TRHDE: variants seen among roughly 807,000 people sequenced by gnomAD.
TRHDE encodes the protein thyrotropin releasing hormone degrading enzyme.
TRHDE carries 72 observed loss-of-function variants against 125.7 expected under a neutral mutation model. The observed-to-expected ratio is 0.57, with a 90% CI of 0.47 to 0.70. The LOEUF (loss-of-function observed/expected upper bound fraction) is 0.70, where lower values mean the gene tolerates loss of function less well. TRHDE is among the 30% of genes least tolerant of loss of function. The pLI is 0.00. For missense variants in TRHDE, 1,110 were observed against 1,327.1 expected (o/e 0.84, Z 2.54); for synonymous variants, 509 against 509.1 (o/e 1.00, Z 0.00).
chr12:72,455,733 G>A (rs974826296), intron 3 of TRHDE, among the ~76,000 whole-genome samples: 5 of 151,950 alleles, frequency 3.3e-5, no homozygotes, highest in Non-Finnish European at 5.9e-5. Context: ...AAAGTTAGAG[G>A]TATTGTATTT....
At chr12:72,298,173 C>G (rs1219418326) in intron 2 of TRHDE, among the ~76,000 whole-genome samples, 1 of 152,142 alleles carries the variant, frequency 6.6e-6, no homozygotes, top group Admixed American at 6.5e-5. Context: ...ACAAACAAAT[C>G]TAAAAAACAG....
At chr12:72,150,977 G>T (rs575957117) in intron 2 of TRHDE, among the ~76,000 whole-genome samples, 2 of 152,076 alleles carry the variant, frequency 1.3e-5, no homozygotes, top group African/African-American at 2.4e-5. Flanking sequence ...TCGCCACACC[G>T]ACTTCCACAA....
intron 2 of TRHDE, among the ~76,000 whole-genome samples, chr12:72,221,289 T>TC (rs1455586266): frequency 5.3e-5 from 8 of 151,988 alleles, no homozygotes; most frequent in Admixed American, 6.6e-5. Flanking sequence ...TATGAAGAAA[T>TC]CCTCAGGAGC....
chr12:72,478,503 A>G (rs1048761735), intron 5 of TRHDE, among the ~76,000 whole-genome samples: 4 of 133,132 alleles, frequency 3.0e-5, no homozygotes, highest in African/African-American at 1.4e-4. Context: ...CTTACTGAAA[A>G]TATAAACGTC....
chr12:72,316,327 C>T (rs1868799795), intron 2 of TRHDE, among the ~76,000 whole-genome samples: 2 of 152,086 alleles, frequency 1.3e-5, no homozygotes. Flanking sequence ...GAGCGCATTG[C>T]CTGTAAACAG....
chr12:72,437,086 C>G (rs1018892580), intron 3 of TRHDE, among the ~76,000 whole-genome samples: 6 of 151,876 alleles, frequency 4.0e-5, no homozygotes, highest in African/African-American at 9.7e-5. Flanking sequence ...GCTTACACTA[C>G]TTACTAGCTA....
intron 2 of TRHDE, among the ~76,000 whole-genome samples, chr12:72,151,427 C>T (rs1285848366): frequency 7.3e-5 from 11 of 150,284 alleles, no homozygotes; most frequent in South Asian, 2.1e-4. Context: ...ATTTTGGCTT[C>T]TGTTGCCATT....
At chr12:72,351,221 G>A (rs1592562327) in intron 2 of TRHDE, among the ~76,000 whole-genome samples, 1 of 152,088 alleles carries the variant, frequency 6.6e-6, no homozygotes, top group South Asian at 2.1e-4. Context: ...AACAAATGAG[G>A]TTAACAGCAA....
At chr12:72,374,343 G>A (rs918848357) in intron 2 of TRHDE, among the ~76,000 whole-genome samples, 1 of 148,524 alleles carries the variant, frequency 6.7e-6, no homozygotes, top group African/African-American at 2.5e-5. Flanking sequence ...GATATCAGGA[G>A]TTTGGTTTTA....
chr12:72,116,391 G>A (rs1875444227), intron 2 of TRHDE, among the ~76,000 whole-genome samples: 1 of 152,072 alleles, frequency 6.6e-6, no homozygotes, highest in Non-Finnish European at 1.5e-5. Context: ...TGGGATTGCT[G>A]GGTCAAATGG....
Position 72,467,130 on chromosome 12 carries a change from C to T in TRHDE, c.1316-2628C>T, listed in dbSNP as rs555474701. ...TAAGTTTTAGGGTACATGTGCACAA[C>T]GTGCAGGTTTGTTACATATGTATAC... On this transcript the variant is annotated intron_variant, in intron 3 of 18. Coordinates refer to ENST00000261180, the MANE Select transcript of TRHDE (RefSeq NM_013381.3). Among the ~76,000 whole-genome samples, 339 of 152,230 alleles carry T rather than the reference C, an allele frequency of 2.2e-3. 2 individuals carry two copies. Among genetic ancestry groups the T allele is most frequent in the African/African-American group, 7.6e-3 (317 of 41,534 alleles).
chr12:72,628,398 A>T (rs1328906271), intron 15 of TRHDE, among the ~76,000 whole-genome samples: 1 of 151,856 alleles, frequency 6.6e-6, no homozygotes, highest in Non-Finnish European at 1.5e-5. Context: ...CAGTGTGTAA[A>T]AATGAGCTTC....
At position 72,663,051 on chromosome 12, in the gene TRHDE, G is replaced by C; in HGVS notation, c.3067-1G>C. ...TACCATTTAAAAATTTCTCTTTCCA[G>C]CTCAAGAACTTCATGAAAAACTATG... On this transcript the variant is annotated splice_acceptor_variant, in intron 18 of 18. Transcript: ENST00000261180. LOFTEE classifies it high-confidence loss of function. The C allele has an allele frequency of 6.2e-7, 1 of 1,607,156 alleles. No individual in the cohort carries two copies. The highest frequency in any genetic ancestry group is 8.5e-7 in the Non-Finnish European group (1 of 1,177,092).
At chr12:72,281,057 C>T (rs968389421) in intron 1 of TRHDE, among the ~76,000 whole-genome samples, 1 of 152,180 alleles carries the variant, frequency 6.6e-6, no homozygotes, top group Non-Finnish European at 1.5e-5. Flanking sequence ...ATATTTAGTA[C>T]ATAAATGGTG....
At chr12:72,497,664 A>G (rs1877977986) in intron 5 of TRHDE, among the ~76,000 whole-genome samples, 1 of 152,164 alleles carries the variant, frequency 6.6e-6, no homozygotes. Context: ...TTCAAATATC[A>G]GATAGTTTTC....
At chr12:72,495,883 A>G (rs1877893892) in intron 5 of TRHDE, among the ~76,000 whole-genome samples, 1 of 152,184 alleles carries the variant, frequency 6.6e-6, no homozygotes, top group African/African-American at 2.4e-5. Flanking sequence ...AATGCAATAT[A>G]TTTTTGAAAA....
chr12:72,129,715 G>C (rs1039472677), intron 2 of TRHDE, among the ~76,000 whole-genome samples: 1 of 152,082 alleles, frequency 6.6e-6, no homozygotes, highest in Non-Finnish European at 1.5e-5. Flanking sequence ...ATATACACAA[G>C]ACTTTTATTG....
At chr12:72,107,188 T>C (rs1875207937) in intron 2 of TRHDE, among the ~76,000 whole-genome samples, 1 of 152,120 alleles carries the variant, frequency 6.6e-6, no homozygotes, top group South Asian at 2.1e-4. Context: ...ATTATAAAAA[T>C]TAGGCCAGGA....
At chr12:72,471,609 C>T (rs1876653499) in intron 4 of TRHDE, among the ~76,000 whole-genome samples, 1 of 152,160 alleles carries the variant, frequency 6.6e-6, no homozygotes, top group Non-Finnish European at 1.5e-5. Flanking sequence ...TTCTATGTTA[C>T]CTTTCCTGCC....
Sources: gnomAD v4.1 joint callset for allele counts (sites outside exome capture counted in the v4.1 genomes callset) on GRCh38, gnomAD v4.1.1 for gene constraint, MANE v1.5 for transcripts, NCBI Gene and HGNC (gene_info 2026-07-23, HGNC 2026-07-21) for gene names.